Variants in NKX2-1 observed in about 807,000 individuals in gnomAD.
The protein encoded by NKX2-1 is homeobox protein Nkx-2.1.
NKX2-1 carries 9 observed loss-of-function variants against 35.1 expected under a neutral mutation model. The ratio of observed to expected loss-of-function variants is 0.26; its 90% CI spans 0.15 to 0.45. The LOEUF (loss-of-function observed/expected upper bound fraction) is 0.45, where lower values mean the gene tolerates loss of function less well. Ranked by LOEUF, NKX2-1 falls within the 20% of genes least tolerant of loss-of-function variation. NKX2-1 has a pLI of 1.00. For missense variants in NKX2-1, 509 were observed against 589.1 expected, an observed-to-expected ratio of 0.86 and a Z score of 1.41; for synonymous variants, 284 against 269.9, an observed-to-expected ratio of 1.05 and a Z score of -0.51.
chr14:36,517,098 GAAAAA>G lies in NKX2-1; in HGVS notation c.*175_*179del, dbSNP rs200848675. On this transcript the variant is annotated 3_prime_UTR_variant, in exon 3 of 3. Coordinates refer to ENST00000354822, the MANE Select transcript of NKX2-1 (RefSeq NM_001079668.3). ...AAAAAACCCACAAATTTTAGGGGGG[GAAAAA>G]AAGAAAGACGTCCAGCAGTTTGGCC... 1.4e-4 allele frequency: 165 copies of G among 1,163,426 alleles called. No individual in the cohort carries two copies. The highest frequency in any genetic ancestry group is 2.1e-4 in the Admixed American group (6 of 28,028). 72.1% of individuals were successfully genotyped at this position (1,163,426 alleles called of 1,614,324 possible). A position where few individuals can be genotyped will look rare whatever the true frequency, so the allele number is the denominator to read the frequency against.
intron 1 of NKX2-1, chr14:36,519,593 C>G: frequency 1.3e-6 from 2 of 1,533,788 alleles, no homozygotes; most frequent in Non-Finnish European, 1.7e-6. Context: ...TAGGCAGCCA[C>G]CAGAGGCGGG....
chr14:36,518,302 G>A (rs965615970), intron 2 of NKX2-1, among the ~76,000 whole-genome samples: 2 of 152,114 alleles, frequency 1.3e-5, no homozygotes, highest in African/African-American at 4.8e-5. Context: ...GTGGGGGAAA[G>A]GCCGCTTCTG....
Position 36,517,038 on chromosome 14 carries a change from G to T in NKX2-1, c.*240C>A. The T allele has an allele frequency of 2.7e-6, 2 of 744,484 alleles. No individual in the cohort carries two copies. Among genetic ancestry groups the T allele is most frequent in the Non-Finnish European group, 4.1e-6 (2 of 484,916 alleles). 46.1% of individuals were successfully genotyped at this position (744,484 alleles called of 1,614,324 possible). On this transcript the variant is annotated 3_prime_UTR_variant, in exon 3 of 3. Coordinates refer to ENST00000354822, the MANE Select transcript of NKX2-1 (RefSeq NM_001079668.3). The stretch of plus-strand genomic sequence containing the variant: ...GCTTAAAGATTCCTTGAGATTGGAT[G>T]CGCTTGGTTGTTTTTCATTTTCTTT...
intron 1 of NKX2-1, chr14:36,519,708 G>A: frequency 6.6e-7 from 1 of 1,506,450 alleles, no homozygotes. Context: ...CACTTGTCAG[G>A]ATTTTTAGGT....
rs1320549450 is a variant in NKX2-1 at position 36,517,896 on chromosome 14, C to T, written c.588G>A (p.Val196=). The change falls in exon 3 of 3, where the codon GTG becomes GTA. Residue 196 remains valine, a synonymous_variant. Transcript: ENST00000354822. ...CGTACACCTGCGCCTGCGAGAAGAG[C>T]ACCCGGCGCTTCCTGCGCGGCGCGC... The part of the protein sequence containing the change: ...LPSAPRRKRR[V]LFSQAQVYEL... 1.2e-6 allele frequency: 2 copies of T among 1,610,784 alleles called. No individual in the cohort carries two copies. The highest frequency in any genetic ancestry group is 1.7e-5 in the Admixed American group (1 of 59,824).
chr14:36,520,190 C>A lies in NKX2-1; in HGVS notation c.-61G>T, dbSNP rs1275895392. The A allele has an allele frequency of 6.3e-7, 1 of 1,595,848 alleles. No homozygotes were observed. Among genetic ancestry groups the A allele is most frequent in the African/African-American group, 1.3e-5 (1 of 74,520 alleles). On this transcript the variant is annotated 5_prime_UTR_variant, in exon 1 of 3. Coordinates refer to ENST00000354822, the MANE Select transcript of NKX2-1 (RefSeq NM_001079668.3). ...ATGAGCGAGCGAGTCTGGGGACGAA[C>A]CCTGGGGCCGCACTGTTGGTCTACG...
Position 36,517,538 on chromosome 14 carries a change from C to T in NKX2-1, c.946G>A (p.Ala316Thr). Residue 316 changes from alanine to threonine, a missense_variant, in exon 3 of 3, where the codon GCG becomes ACG. This residue lies in a region of NKX2-1 where 212 missense variants were observed against 227.7 expected (regional missense o/e 0.93). Transcript: ENST00000354822. ...GCCTGGTGCTGCGCCTGCTGCTGCG[C>T]GTGGCCTTGTAGGCTGGCGGCGCCC... The part of the protein sequence containing the change: ...APGAASLQGH[A>T]QQQAQHQAQA... The T allele has an allele frequency of 7.0e-7, 1 of 1,433,166 alleles. No homozygotes were observed. The highest frequency in any genetic ancestry group is 9.1e-7 in the Non-Finnish European group (1 of 1,101,426). The allele number at this position is 1,433,166 out of a possible 1,614,324, so 88.8% of individuals were successfully genotyped here.
chr14:36,518,925 G>A, intron 2 of NKX2-1, 60 bp downstream of exon 2: 1 of 1,417,406 alleles, frequency 7.1e-7, no homozygotes, highest in Non-Finnish European at 9.1e-7. Flanking sequence ...CCTTCTGGAC[G>A]GCTCTCGCCG....
At chr14:36,518,074 CCT>C (rs1683855143) in intron 2 of NKX2-1, 54 bp from the exon 3 acceptor site, 5 of 1,585,180 alleles carry the variant, frequency 3.2e-6, no homozygotes, top group African/African-American at 1.3e-5. Flanking sequence ...CCAGGCCACC[CCT>C]GTTTTCCGCG....
rs996063611 is a variant in NKX2-1 at position 36,517,632 on chromosome 14, C to A, written c.852G>T (p.Ser284=). The change falls in exon 3 of 3, where the codon TCG becomes TCT. Residue 284 remains serine, a synonymous_variant. Transcript: ENST00000354822. ...CPQQQQAQQQ[S]PRRVAVPVLV... is the part of the protein sequence containing the mutation. ...GGACCGGCACCGCCACGCGTCGCGGCGACTGCTGCTGAGCCTGTTGCTGCT... is the reference window on the plus strand; with the variant it reads ...GGACCGGCACCGCCACGCGTCGCGGAGACTGCTGCTGAGCCTGTTGCTGCT... The A allele has an allele frequency of 6.5e-7, 1 of 1,538,910 alleles. No individual in the cohort carries two copies. Among genetic ancestry groups the A allele is most frequent in the Non-Finnish European group, 8.7e-7 (1 of 1,144,532 alleles).
rs753273268 is a variant in NKX2-1 at position 36,520,099 on chromosome 14, C to A, written c.31G>T (p.Gly11Cys). Residue 11 changes from glycine (G) to cysteine (C), a missense_variant, in exon 1 of 3, where the codon GGC (glycine) becomes TGC (cysteine). By Grantham distance (159) the Gly-to-Cys change is radical (BLOSUM62 -3). Around this residue, in one of 5 missense-constraint regions of NKX2-1, gnomAD observed 271 missense variants for 284.1 expected, o/e 0.95. Transcript: ENST00000354822. ...CTCCCTCCCGCCGCGGCCTCCCAGC[C>A]CCGCGCCTTCCCACTGCCTCCGGAC... MWSGGSGKAR[G>C]WEAAAGGRSS... 2 of 1,613,198 alleles carry A rather than the reference C, an allele frequency of 1.2e-6. No homozygotes were observed. The highest frequency in any genetic ancestry group is 1.1e-5 in the South Asian group (1 of 91,070).
Position 36,517,021 on chromosome 14 carries a change from A to G in NKX2-1, c.*257T>C. 1.5e-6 allele frequency: 1 copy of G among 661,464 alleles called. No individual in the cohort carries two copies. The highest frequency in any genetic ancestry group is 2.4e-6 in the Non-Finnish European group (1 of 415,358). The allele number at this position is 661,464 out of a possible 1,614,324, so 41.0% of individuals were successfully genotyped here. ...GTTTTATGCCCTTCTCTGCTTAAAG[A>G]TTCCTTGAGATTGGATGCGCTTGGT... is the stretch of plus-strand genomic sequence containing the variant. On this transcript the variant is annotated 3_prime_UTR_variant, in exon 3 of 3. Transcript: ENST00000354822.
chr14:36,519,565 T>C, intron 1 of NKX2-1, 195 bp from the exon 2 acceptor site: 9 of 1,533,984 alleles, frequency 5.9e-6, no homozygotes. Flanking sequence ...GCGTTTGTTT[T>C]AGCCCGGCGC....
chr14:36,519,242 G>T lies in NKX2-1; in HGVS notation c.206C>A (p.Ala69Glu), dbSNP rs1004953614. Residue 69 changes from alanine to glutamate, a missense_variant, in exon 2 of 3, where the codon GCG (alanine) becomes GAG (glutamate). Physicochemically the swap from Ala to Glu is moderately radical, Grantham distance 107. Around this residue, in one of 5 missense-constraint regions of NKX2-1, gnomAD observed 271 missense variants for 284.1 expected, o/e 0.95. Transcript: ENST00000354822. ...MEGGGLGAPL[A>E]AYRQGQAAPP... ...TGCCGCCTGGCCCTGCCTGTACGCC[G>T]CCAGCGGAGCCCCGAGGCCGCCGCC... 3 of 1,609,330 alleles carry T rather than the reference G, an allele frequency of 1.9e-6. No individual in the cohort carries two copies. The highest frequency in any genetic ancestry group is 1.7e-6 in the Non-Finnish European group (2 of 1,178,364).
In NKX2-1 at chr14:36,518,968, G is replaced by A; in HGVS notation, c.463+17C>T. On this transcript the variant is annotated intron_variant, in intron 2 of 2. Coordinates refer to ENST00000354822, the MANE Select transcript of NKX2-1 (RefSeq NM_001079668.3). ...TGAGCTCAGCCCGCGGCCCCGCAGT[G>A]GGGCGGCCTCACTTACTGGCGGGGA... 1.9e-6 allele frequency: 3 copies of A among 1,560,524 alleles called. No individual in the cohort carries two copies. Among genetic ancestry groups the A allele is most frequent in the Non-Finnish European group, 2.6e-6 (3 of 1,159,722 alleles).
In NKX2-1 at chr14:36,517,901, G is replaced by C; in HGVS notation, c.583C>G (p.Arg195Gly). ...ACCTGCGCCTGCGAGAAGAGCACCC[G>C]GCGCTTCCTGCGCGGCGCGCTTGGC... ...PLPSAPRRKRRVLFSQAQVYE... is the reference protein window; with the variant it reads ...PLPSAPRRKRGVLFSQAQVYE... Residue 195 changes from arginine (R) to glycine (G), a missense_variant, in exon 3 of 3, where the codon CGG becomes GGG. Coordinates refer to ENST00000354822, the MANE Select transcript of NKX2-1 (RefSeq NM_001079668.3). The C allele has an allele frequency of 6.2e-7, 1 of 1,610,280 alleles. No homozygotes were observed. The highest frequency in any genetic ancestry group is 8.5e-7 in the Non-Finnish European group (1 of 1,179,464).
intron 2 of NKX2-1, among the ~76,000 whole-genome samples, chr14:36,518,724 G>T (rs996398513): frequency 6.6e-6 from 1 of 152,154 alleles, no homozygotes; most frequent in Non-Finnish European, 1.5e-5. Context: ...GCCGAGCAGA[G>T]CTGCCAGTCC....
In NKX2-1 at chr14:36,517,578, C is replaced by A. The variant is rs758010824; in HGVS notation, c.906G>T (p.Ala302=). 2 of 1,495,582 alleles carry A rather than the reference C, an allele frequency of 1.3e-6. No individual in the cohort carries two copies. Among genetic ancestry groups the A allele is most frequent in the South Asian group, 1.3e-5 (1 of 78,316 alleles). 92.6% of individuals were successfully genotyped at this position (1,495,582 alleles called of 1,614,324 possible). A position where few individuals can be genotyped will look rare whatever the true frequency, so the allele number is the denominator to read the frequency against. ...VLVKDGKPCQ[A]GAPAPGAASL... ...TGGCGGCGCCCGGCGCGGGGGCACC[C>A]GCCTGGCACGGTTTGCCGTCTTTCA... The change falls in exon 3 of 3, where the codon GCG becomes GCT. Residue 302 remains alanine (A), a synonymous_variant. Coordinates refer to ENST00000354822, the MANE Select transcript of NKX2-1 (RefSeq NM_001079668.3).
chr14:36,517,086 A>C lies in NKX2-1; in HGVS notation c.*192T>G. The C allele has an allele frequency of 9.4e-7, 1 of 1,064,268 alleles. No individual in the cohort carries two copies. Among genetic ancestry groups the C allele is most frequent in the Non-Finnish European group, 1.3e-6 (1 of 791,842 alleles). The allele number at this position is 1,064,268 out of a possible 1,614,324, so 65.9% of individuals were successfully genotyped here. A position where few individuals can be genotyped will look rare whatever the true frequency, so the allele number is the denominator to read the frequency against. On this transcript the variant is annotated 3_prime_UTR_variant, in exon 3 of 3. Coordinates refer to ENST00000354822, the MANE Select transcript of NKX2-1 (RefSeq NM_001079668.3). ...TTTTTTTAAAAAAAAAAACCCACAA[A>C]TTTTAGGGGGGGAAAAAAAGAAAGA...
Sources: allele counts gnomAD v4.1 joint callset (sites outside exome capture counted in the v4.1 genomes callset), GRCh38; gene constraint gnomAD v4.1.1; regional missense constraint gnomAD v4.1.1; transcripts MANE v1.5; gene names NCBI Gene and HGNC (gene_info 2026-07-23, HGNC 2026-07-21).